The following ENOX1 variants were observed in gnomAD, a reference collection of about 807,000 sequenced individuals.
ENOX1 encodes the protein candidate growth-related and time keeping constitutive hydroquinone (NADH) oxidase.
Under a neutral mutation model 82.5 loss-of-function variants are expected in ENOX1, and 42 were observed. The ratio of observed to expected loss-of-function variants is 0.51; its 90% confidence interval spans 0.40 to 0.66. The LOEUF is 0.66. Ranked by LOEUF, ENOX1 falls within the 30% of genes least tolerant of loss-of-function variation. The probability of loss-of-function intolerance (pLI) is 0.00; values close to 1 mark genes in which losing one functional copy is unlikely to be tolerated. For missense variants in ENOX1, 608 were observed against 811.6 expected, an observed-to-expected ratio of 0.75 and a Z score of 3.05; for synonymous variants, 271 against 282.2, an observed-to-expected ratio of 0.96 and a Z score of 0.40.
chr13:43,359,791 A>C, intron 7 of ENOX1, 60 bp downstream of exon 7: 2 of 1,490,250 alleles, frequency 1.3e-6, no homozygotes, highest in Non-Finnish European at 9.3e-7. Flanking sequence ...GAATAAGCTC[A>C]TATTAACATC....
chr13:43,583,490 C>T (rs1393246412), intron 2 of ENOX1, among the ~76,000 whole-genome samples: 1 of 152,136 alleles, frequency 6.6e-6, no homozygotes, highest in East Asian at 1.9e-4. Context: ...CTCACTTTTT[C>T]TTGTACTTAT....
intron 5 of ENOX1, among the ~76,000 whole-genome samples, chr13:43,375,186 A>T (rs2051532850): frequency 6.6e-6 from 1 of 150,436 alleles, no homozygotes; most frequent in Non-Finnish European, 1.5e-5. Context: ...CAATATATTC[A>T]GTGTATTACT....
At chr13:43,396,823 A>AT (rs1412143665) in intron 5 of ENOX1, among the ~76,000 whole-genome samples, 2 of 152,132 alleles carry the variant, frequency 1.3e-5, no homozygotes, top group Non-Finnish European at 1.5e-5. Flanking sequence ...GATTTTTAAG[A>AT]TTTTCCCTCT....
At chr13:43,471,167 G>T (rs1226504475) in intron 3 of ENOX1, among the ~76,000 whole-genome samples, 4 of 152,156 alleles carry the variant, frequency 2.6e-5, no homozygotes, top group Non-Finnish European at 5.9e-5. Flanking sequence ...ATGAACTCAA[G>T]AACAGACTGA....
intron 14 of ENOX1, among the ~76,000 whole-genome samples, chr13:43,250,192 G>A (rs956221794): frequency 2.0e-5 from 3 of 152,164 alleles, no homozygotes; most frequent in African/African-American, 7.2e-5. Context: ...CTGGGCCCCA[G>A]GCAGTGATAC....
chr13:43,328,217 G>A (rs544954034), intron 9 of ENOX1, among the ~76,000 whole-genome samples: 53 of 152,302 alleles, frequency 3.5e-4, no homozygotes, highest in African/African-American at 1.2e-3. Context: ...GCTGGCAGAG[G>A]AGAGAACCTG....
intron 2 of ENOX1, among the ~76,000 whole-genome samples, chr13:43,541,765 T>C (rs1467153184): frequency 1.3e-5 from 2 of 152,226 alleles, no homozygotes; most frequent in African/African-American, 4.8e-5. Context: ...ATTTCTATTA[T>C]ACAACCATCA....
At chr13:43,465,054 G>C (rs1264447521) in intron 3 of ENOX1, among the ~76,000 whole-genome samples, 1 of 152,248 alleles carries the variant, frequency 6.6e-6, no homozygotes, top group African/African-American at 2.4e-5. Flanking sequence ...AATGACATCA[G>C]CCTGATTTAT....
chr13:43,300,031 T>C (rs887945721), intron 11 of ENOX1, among the ~76,000 whole-genome samples: 1 of 152,220 alleles, frequency 6.6e-6, no homozygotes, highest in African/African-American at 2.4e-5. Flanking sequence ...GTTTTATAGT[T>C]GAGTGTTTTA....
At chr13:43,365,154 C>T (rs1330591679) in intron 5 of ENOX1, among the ~76,000 whole-genome samples, 2 of 152,232 alleles carry the variant, frequency 1.3e-5, no homozygotes, top group South Asian at 2.1e-4. Context: ...CCATGCCTTG[C>T]TCCTTTTCTG....
chr13:43,713,563 A>C (rs2087888514), intron 1 of ENOX1, among the ~76,000 whole-genome samples: 1 of 152,132 alleles, frequency 6.6e-6, no homozygotes, highest in African/African-American at 2.4e-5. Flanking sequence ...TTGGTTGGCA[A>C]GCTATTGATT....
chr13:43,362,615 G>A (rs920812554), intron 5 of ENOX1, among the ~76,000 whole-genome samples: 1 of 151,628 alleles, frequency 6.6e-6, no homozygotes, highest in Non-Finnish European at 1.5e-5. Context: ...GCCTCCGCAT[G>A]GCCTCACTCT....
Position 43,667,506 on chromosome 13 carries a change from A to G in ENOX1, c.-246T>C, listed in dbSNP as rs2085039899. On this transcript the variant is annotated 5_prime_UTR_variant, in exon 2 of 17. Coordinates refer to ENST00000690772, the MANE Select transcript of ENOX1 (RefSeq NM_001347969.2). ...GAGCATGGTGAGCTCTCTCTCCTCC[A>G]CATATTATAAATACGACATCATGCT... 1 of 985,508 alleles carries G rather than the reference A, an allele frequency of 1.0e-6. No individual in the cohort carries two copies. Among genetic ancestry groups the G allele is most frequent in the East Asian group, 1.1e-4 (1 of 8,958 alleles). 61.0% of individuals were successfully genotyped at this position (985,508 alleles called of 1,614,324 possible).
chr13:43,712,540 T>C (rs2087799490), intron 1 of ENOX1, among the ~76,000 whole-genome samples: 1 of 150,450 alleles, frequency 6.6e-6, no homozygotes, highest in South Asian at 2.1e-4. Context: ...TGATTCTTCC[T>C]ACCCATGAGC....
In ENOX1 at chr13:43,336,081, C is replaced by T. The variant is rs1324957861; in HGVS notation, c.1036+8457G>A. On this transcript the variant is annotated intron_variant, in intron 9 of 16. Transcript: ENST00000690772. ...GGAATTTTTTCCCATGGATGAACTA[C>T]AGCAATGACTGCTACAGACATGGGC... Among the ~76,000 whole-genome samples the T allele has an allele frequency of 2.0e-5, 3 of 152,338 alleles. No homozygotes were observed. In the East Asian group the frequency reaches 5.8e-4, roughly 29 times the overall value.
chr13:43,619,659 T>G (rs2082638790), intron 2 of ENOX1, among the ~76,000 whole-genome samples: 1 of 152,202 alleles, frequency 6.6e-6, no homozygotes, highest in Non-Finnish European at 1.5e-5. Flanking sequence ...TAGCTGGTAT[T>G]TTGTTAAGGA....
At chr13:43,543,253 GA>G (rs1052412645) in intron 2 of ENOX1, among the ~76,000 whole-genome samples, 2 of 151,954 alleles carry the variant, frequency 1.3e-5, no homozygotes, top group Non-Finnish European at 2.9e-5. Flanking sequence ...GAGAGGAGGG[GA>G]AAAATTGGGG....
chr13:43,305,717 C>T (rs142383327), intron 11 of ENOX1, among the ~76,000 whole-genome samples: 11 of 152,288 alleles, frequency 7.2e-5, no homozygotes, highest in African/African-American at 9.6e-5. Flanking sequence ...TCCTCTGCTC[C>T]GACCCAAAAC....
At chr13:43,677,694 T>C (rs2085578267) in intron 1 of ENOX1, among the ~76,000 whole-genome samples, 1 of 152,176 alleles carries the variant, frequency 6.6e-6, no homozygotes, top group South Asian at 2.1e-4. Flanking sequence ...TTTACATGTA[T>C]GGTATCTTTT....
Sources: gnomAD v4.1 joint callset for allele counts (sites outside exome capture counted in the v4.1 genomes callset) on GRCh38, gnomAD v4.1.1 for gene constraint, MANE v1.5 for transcripts, NCBI Gene and HGNC (gene_info 2026-07-23, HGNC 2026-07-21) for gene names.